Variants in PTPRA observed in about 807,000 individuals in gnomAD.
PTPRA encodes the protein protein tyrosine phosphatase receptor type A, also known as receptor-type tyrosine-protein phosphatase alpha.
A neutral mutation model predicts 104.8 loss-of-function variants in PTPRA; 25 were observed. The observed-to-expected ratio is 0.24, with a 90% CI of 0.17 to 0.33. PTPRA has a LOEUF of 0.33. Among genes scored for constraint, PTPRA ranks in the 10% least tolerant of loss-of-function variants. The pLI is 1.00. For missense variants in PTPRA, 765 were observed against 1,015.3 expected, an observed-to-expected ratio of 0.75 and a Z score of 3.35; for synonymous variants, 323 against 368.9, an observed-to-expected ratio of 0.88 and a Z score of 1.43.
chr20:2,901,210 C>G (rs900714596), intron 1 of PTPRA, among the ~76,000 whole-genome samples: 5 of 152,076 alleles, frequency 3.3e-5, no homozygotes, highest in Admixed American at 2.6e-4. Flanking sequence ...ACCTTGTGAT[C>G]CACCTGCTTC....
At chr20:2,939,266 C>T (rs1035405190) in intron 2 of PTPRA, among the ~76,000 whole-genome samples, 1 of 152,194 alleles carries the variant, frequency 6.6e-6, no homozygotes, top group Non-Finnish European at 1.5e-5. Context: ...ATTCATTTCT[C>T]TAGCTCTCTC....
intron 20 of PTPRA, among the ~76,000 whole-genome samples, chr20:3,029,225 C>T (rs1200988815): frequency 1.3e-5 from 2 of 151,418 alleles, no homozygotes; most frequent in African/African-American, 4.9e-5. Context: ...ACTGCAGCCT[C>T]AACCTCCCAG....
intron 1 of PTPRA, among the ~76,000 whole-genome samples, chr20:2,888,068 A>G (rs2090476837): frequency 6.6e-6 from 1 of 152,232 alleles, no homozygotes; most frequent in African/African-American, 2.4e-5. Flanking sequence ...GCCCTCAAAC[A>G]CGGATGAGAA....
intron 2 of PTPRA, among the ~76,000 whole-genome samples, chr20:2,929,250 C>T (rs1008682660): frequency 2.6e-5 from 4 of 152,114 alleles, no homozygotes; most frequent in African/African-American, 7.2e-5. Context: ...CCACACCTGG[C>T]CTGCTGTTTT....
upstream of PTPRA, among the ~76,000 whole-genome samples, chr20:2,871,071 G>T (rs2089421957): frequency 6.6e-6 from 1 of 152,212 alleles, no homozygotes; most frequent in Admixed American, 6.5e-5. Flanking sequence ...AATGGAAACA[G>T]CATCTGTGTG....
chr20:2,957,833 C>T (rs1214345962), intron 3 of PTPRA, among the ~76,000 whole-genome samples: 3 of 152,140 alleles, frequency 2.0e-5, no homozygotes, highest in East Asian at 3.9e-4. Context: ...TTGAAGGCAC[C>T]GCTATGGAGA....
chr20:2,952,414 C>G (rs1410660113), intron 3 of PTPRA, among the ~76,000 whole-genome samples: 1 of 151,890 alleles, frequency 6.6e-6, no homozygotes, highest in South Asian at 2.1e-4. Context: ...TGTTGGAATA[C>G]TTATTTTCTT....
intron 1 of PTPRA, among the ~76,000 whole-genome samples, chr20:2,879,440 C>T (rs2089928590): frequency 6.6e-6 from 1 of 152,124 alleles, no homozygotes. Context: ...GCTTGGTGAG[C>T]ACCTAAAACT....
chr20:3,015,730 C>G (rs2064407661), intron 11 of PTPRA, 119 bp from the exon 12 acceptor site: 2 of 764,482 alleles, frequency 2.6e-6, no homozygotes, highest in Admixed American at 4.8e-5. Context: ...GACTGGAAAT[C>G]CCCGTTAAGT....
intron 1 of PTPRA, among the ~76,000 whole-genome samples, chr20:2,919,450 A>C (rs554425788): frequency 3.3e-5 from 5 of 152,342 alleles, no homozygotes; most frequent in African/African-American, 1.2e-4. Flanking sequence ...TTTTGAACTA[A>C]GGGAAAGACT....
upstream of PTPRA, among the ~76,000 whole-genome samples, chr20:2,870,236 C>T (rs890460096): frequency 9.3e-5 from 14 of 151,100 alleles, no homozygotes; most frequent in Admixed American, 4.6e-4. Context: ...GGCGTGGTGG[C>T]GCATGCCTGT....
chr20:2,956,206 A>C (rs1224636980), intron 3 of PTPRA, among the ~76,000 whole-genome samples: 1 of 152,190 alleles, frequency 6.6e-6, no homozygotes, highest in Non-Finnish European at 1.5e-5. Flanking sequence ...CCACCAGTTG[A>C]TCCTTCACTC....
At chr20:2,938,302 A>G (rs1395503746) in intron 2 of PTPRA, among the ~76,000 whole-genome samples, 1 of 152,078 alleles carries the variant, frequency 6.6e-6, no homozygotes, top group East Asian at 1.9e-4. Flanking sequence ...CTCCTGCGTC[A>G]GCCACCCAAG....
At chr20:2,917,873 G>T (rs1023205676) in intron 1 of PTPRA, among the ~76,000 whole-genome samples, 2 of 151,830 alleles carry the variant, frequency 1.3e-5, no homozygotes, top group Admixed American at 6.6e-5. Context: ...GGTGGATCTC[G>T]AGGTCAGGAG....
intron 1 of PTPRA, among the ~76,000 whole-genome samples, chr20:2,875,364 A>C (rs995885284): frequency 3.3e-5 from 5 of 152,176 alleles, no homozygotes; most frequent in Admixed American, 6.5e-5. Flanking sequence ...CTGCCTGCTC[A>C]AAGTGACCTG....
At chr20:2,896,982 G>A (rs1321895720) in intron 1 of PTPRA, among the ~76,000 whole-genome samples, 1 of 152,086 alleles carries the variant, frequency 6.6e-6, no homozygotes, top group East Asian at 1.9e-4. Flanking sequence ...CCACAATTTG[G>A]GTTAGTCTGA....
At chr20:2,995,327 A>T (rs1200005061) in intron 9 of PTPRA, among the ~76,000 whole-genome samples, 1 of 152,090 alleles carries the variant, frequency 6.6e-6, no homozygotes, top group African/African-American at 2.4e-5. Flanking sequence ...TGTGTTGCCC[A>T]GGCTGGTCTT....
chr20:2,984,014 G>A (rs2062799569), intron 6 of PTPRA, among the ~76,000 whole-genome samples: 1 of 151,642 alleles, frequency 6.6e-6, no homozygotes, highest in East Asian at 1.9e-4. Flanking sequence ...AACTGAGATG[G>A]GCAGACGAGA....
In PTPRA at chr20:3,024,559, C is replaced by A; in HGVS notation, c.1552C>A (p.Leu518Met). 6.2e-7 allele frequency: 1 copy of A among 1,614,148 alleles called. No homozygotes were observed. The highest frequency in any genetic ancestry group is 8.5e-7 in the Non-Finnish European group (1 of 1,180,018). Residue 518 changes from leucine (L) to methionine (M), a missense_variant, in exon 17 of 24, where the codon CTG becomes ATG. By Grantham distance (15) the Leu-to-Met change is conservative. Around this residue, in one of 4 missense-constraint regions of PTPRA, gnomAD observed 192 missense variants for 227.0 expected, o/e 0.85. Coordinates refer to ENST00000399903, the MANE Select transcript of PTPRA (RefSeq NM_001385305.1). ...ELEVTSLETH[L>M]QKIYNKIPGT... ...GGAAGTGACCTCTCTAGAAACCCAC[C>A]TGCAGAAAATTTACAACAAAATCCC...
Sources: gnomAD v4.1 joint callset for allele counts (sites outside exome capture counted in the v4.1 genomes callset) on GRCh38, gnomAD v4.1.1 for gene constraint, gnomAD v4.1.1 regional missense constraint, MANE v1.5 for transcripts, NCBI Gene and HGNC (gene_info 2026-07-23, HGNC 2026-07-21) for gene names.